The following CCDC171 variants were observed in gnomAD, a reference collection of about 807,000 sequenced individuals.
CCDC171 encodes the protein coiled-coil domain containing 171.
CCDC171 carries 177 observed loss-of-function variants against 168.2 expected under a neutral mutation model. The observed-to-expected ratio is 1.05, with a 90% CI of 0.93 to 1.19. The LOEUF (loss-of-function observed/expected upper bound fraction) is 1.19, where lower values mean the gene tolerates loss of function less well. CCDC171 is among the 50% of genes most tolerant of loss of function. The probability of loss-of-function intolerance (pLI) is 0.00; values close to 1 mark genes in which losing one functional copy is unlikely to be tolerated. For synonymous variants in CCDC171, 687 were observed against 540.8 expected, an observed-to-expected ratio of 1.27 and a Z score of -3.75; for missense variants, 1,991 against 1,539.0, an observed-to-expected ratio of 1.29 and a Z score of -4.91.
chr9:15,562,286 G>A (rs1286834353), intron 1 of CCDC171, among the ~76,000 whole-genome samples: 1 of 152,026 alleles, frequency 6.6e-6, no homozygotes, highest in Non-Finnish European at 1.5e-5. Context: ...GACCCACCGC[G>A]CCTGGCCTGA....
intron 7 of CCDC171, among the ~76,000 whole-genome samples, chr9:15,654,663 A>C (rs2047782581): frequency 1.3e-5 from 2 of 152,152 alleles, no homozygotes; most frequent in Non-Finnish European, 2.9e-5. Context: ...AACTTGGCTA[A>C]GGGGGTGGAG....
chr9:15,940,331 G>C (rs1371029108), intron 25 of CCDC171, among the ~76,000 whole-genome samples: 1 of 151,752 alleles, frequency 6.6e-6, no homozygotes, highest in Non-Finnish European at 1.5e-5. Context: ...ATCTAATTAA[G>C]CTGCAAGTCA....
chr9:15,832,730 T>C (rs191822510), intron 21 of CCDC171, among the ~76,000 whole-genome samples: 445 of 152,340 alleles, frequency 2.9e-3, no homozygotes, highest in African/African-American at 9.7e-3. Context: ...CTGTCGACTT[T>C]ATAAGCACTG....
At chr9:15,647,251 A>G (rs2047120397) in intron 7 of CCDC171, among the ~76,000 whole-genome samples, 1 of 152,208 alleles carries the variant, frequency 6.6e-6, no homozygotes, top group African/African-American at 2.4e-5. Flanking sequence ...CATTCAAAGC[A>G]GTGTGTAGAG....
chr9:15,695,400 G>A, intron 11 of CCDC171, 63 bp downstream of exon 11: 1 of 1,193,036 alleles, frequency 8.4e-7, no homozygotes, highest in Middle Eastern at 1.9e-4. Context: ...TACATTTTGG[G>A]AATTCTGCAG....
chr9:15,707,428 A>T (rs1452547782), intron 11 of CCDC171, among the ~76,000 whole-genome samples: 1 of 152,200 alleles, frequency 6.6e-6, no homozygotes, highest in Non-Finnish European at 1.5e-5. Flanking sequence ...ATTTTGCTTC[A>T]TCTATTCAGA....
chr9:15,968,053 C>G (rs1025937753), intron 25 of CCDC171, among the ~76,000 whole-genome samples: 2 of 152,078 alleles, frequency 1.3e-5, no homozygotes, highest in African/African-American at 4.8e-5. Flanking sequence ...TACTGTATTT[C>G]ATAAGATTTT....
intron 23 of CCDC171, among the ~76,000 whole-genome samples, chr9:15,862,313 A>ATT (rs763268422): frequency 5.5e-5 from 8 of 146,078 alleles, no homozygotes; most frequent in African/African-American, 2.0e-4. Flanking sequence ...AAGTTCACCA[A>ATT]TTTTTTTTTT....
intron 21 of CCDC171, among the ~76,000 whole-genome samples, chr9:15,826,533 G>A (rs981319536): frequency 2.6e-5 from 4 of 152,060 alleles, no homozygotes; most frequent in African/African-American, 4.8e-5. Flanking sequence ...GCTTCTGCCT[G>A]ATTTTCTTTC....
chr9:15,892,677 C>T (rs1466493202), intron 24 of CCDC171, among the ~76,000 whole-genome samples: 1 of 152,048 alleles, frequency 6.6e-6, no homozygotes, highest in African/African-American at 2.4e-5. Flanking sequence ...AATTTCCATT[C>T]ACAGTTGCTG....
At chr9:15,599,854 C>A (rs534608168) in intron 6 of CCDC171, among the ~76,000 whole-genome samples, 1 of 152,222 alleles carries the variant, frequency 6.6e-6, no homozygotes, top group East Asian at 1.9e-4. Flanking sequence ...TTTCTTTTTA[C>A]TCTTTTTTCT....
At chr9:15,755,769 T>C (rs987053666) in intron 18 of CCDC171, among the ~76,000 whole-genome samples, 32 of 152,168 alleles carry the variant, frequency 2.1e-4, no homozygotes, top group African/African-American at 2.4e-5. Context: ...AGAAAGTAGA[T>C]TAGTGATTGC....
intron 21 of CCDC171, among the ~76,000 whole-genome samples, chr9:15,835,138 A>G (rs1256084534): frequency 1.3e-5 from 2 of 152,192 alleles, no homozygotes; most frequent in African/African-American, 4.8e-5. Flanking sequence ...ATGTATTATG[A>G]TGTGACTATT....
At chr9:16,069,724 A>G in the CCDC171 span, among the ~76,000 whole-genome samples, 1 of 152,218 alleles carries the variant, frequency 6.6e-6, no homozygotes, top group African/African-American at 2.4e-5. Flanking sequence ...CACTATTCCC[A>G]GCCTTTCCTT....
intron 25 of CCDC171, among the ~76,000 whole-genome samples, chr9:15,930,833 T>G (rs1050965624): frequency 2.0e-5 from 3 of 151,862 alleles, no homozygotes; most frequent in Non-Finnish European, 3.0e-5. Flanking sequence ...TGTTTTGAAC[T>G]GACACATTAT....
intron 6 of CCDC171, among the ~76,000 whole-genome samples, chr9:15,611,877 T>TGTATGTTGAAACCTAATTGC (rs2043723277): frequency 6.6e-6 from 1 of 152,136 alleles, no homozygotes; most frequent in South Asian, 2.1e-4. Context: ...CTCCTAAATT[T>TGTATGTTGAAACCTAATTGC]GTATGTTGAA....
intron 21 of CCDC171, among the ~76,000 whole-genome samples, chr9:15,792,639 A>G (rs2058328046): frequency 6.6e-6 from 1 of 152,186 alleles, no homozygotes; most frequent in Non-Finnish European, 1.5e-5. Flanking sequence ...CAGAAACTCT[A>G]CAAGCCAGAA....
downstream of CCDC171, among the ~76,000 whole-genome samples, chr9:15,976,891 G>A (rs990177449): frequency 1.3e-5 from 2 of 152,002 alleles, no homozygotes; most frequent in African/African-American, 4.8e-5. Flanking sequence ...AGAAAGGAGA[G>A]CAATTTTAAT....
intron 7 of CCDC171, among the ~76,000 whole-genome samples, chr9:15,628,366 A>C (rs2132212738): frequency 6.6e-6 from 1 of 152,302 alleles, no homozygotes. Context: ...ACGGCGCACC[A>C]GGAGATTATA....
Sources: allele counts gnomAD v4.1 joint callset (sites outside exome capture counted in the v4.1 genomes callset), GRCh38; gene constraint gnomAD v4.1.1; transcripts MANE v1.5; gene names NCBI Gene and HGNC (gene_info 2026-07-23, HGNC 2026-07-21).